RIC8B: variants seen among roughly 807,000 people sequenced by gnomAD.
RIC8B encodes RIC8 guanine nucleotide exchange factor B.
Under a neutral mutation model 57.5 loss-of-function variants are expected in RIC8B, and 16 were observed. The observed-to-expected ratio is 0.28, with a 90% confidence interval of 0.19 to 0.42. RIC8B has a LOEUF of 0.42. RIC8B is among the 10% of genes least tolerant of loss of function. The pLI is 1.00. For synonymous variants in RIC8B, 216 were observed against 250.8 expected (o/e 0.86, Z 1.31); for missense variants, 481 against 677.0 (o/e 0.71, Z 3.21).
chr12:106,816,068 A>C (rs1482449398), intron 3 of RIC8B, among the ~76,000 whole-genome samples: 1 of 152,210 alleles, frequency 6.6e-6, no homozygotes, highest in Admixed American at 6.5e-5. Context: ...AAATTAAGTG[A>C]AGTAGACATA....
intron 6 of RIC8B, among the ~76,000 whole-genome samples, chr12:106,846,937 A>C (rs957600428): frequency 6.6e-6 from 1 of 152,202 alleles, no homozygotes. Flanking sequence ...GATGCACTGT[A>C]GACTGTTATG....
intron 9 of RIC8B, among the ~76,000 whole-genome samples, chr12:106,877,490 G>A (rs1254866661): frequency 1.3e-5 from 2 of 152,116 alleles, no homozygotes; most frequent in African/African-American, 4.8e-5. Context: ...TCATTCCACA[G>A]TTGAGCTCTT....
chr12:106,847,275 G>A (rs546687645), intron 6 of RIC8B, among the ~76,000 whole-genome samples: 2 of 152,220 alleles, frequency 1.3e-5, no homozygotes, highest in South Asian at 2.1e-4. Flanking sequence ...TTTGGGAGTG[G>A]TATATAACAA....
chr12:106,877,598 C>A lies in RIC8B; in HGVS notation c.1571+6656C>A, dbSNP rs565662151. ...GGGAACAAGTAAAATTTCTATGATT[C>A]TATGTTAATACAAGGTTTTTAAATT... On this transcript the variant is annotated intron_variant, in intron 9 of 9. Transcript: ENST00000392837. Among the ~76,000 whole-genome samples, 3 of 152,156 alleles carry A rather than the reference C, an allele frequency of 2.0e-5. No homozygotes were observed. In the South Asian group the frequency reaches 6.2e-4, roughly 32 times the overall value.
At chr12:106,849,287 G>GTTTATTTATTTA (rs60536359) in intron 6 of RIC8B, among the ~76,000 whole-genome samples, 2 of 143,910 alleles carry the variant, frequency 1.4e-5, no homozygotes, top group Admixed American at 6.9e-5. Context: ...TTTTTAAATA[G>GTTTATTTATTTA]TTTATTTATT....
intron 3 of RIC8B, among the ~76,000 whole-genome samples, chr12:106,819,723 A>G (rs1475417021): frequency 1.3e-5 from 2 of 149,034 alleles, no homozygotes; most frequent in African/African-American, 2.5e-5. Context: ...CCGCCTGGGT[A>G]ACAGCGTCTC....
chr12:106,794,754 A>G (rs1034607515), intron 2 of RIC8B, among the ~76,000 whole-genome samples: 6 of 152,208 alleles, frequency 3.9e-5, no homozygotes, highest in Non-Finnish European at 8.8e-5. Flanking sequence ...TAGCTGACTC[A>G]CCTTACAAGA....
rs1458131225 is a variant in RIC8B at position 106,886,031 on chromosome 12, A to C, written c.*16A>C. The C allele has an allele frequency of 1.7e-5, 25 of 1,506,728 alleles. No homozygotes were observed. The highest frequency in any genetic ancestry group is 1.9e-5 in the Non-Finnish European group (21 of 1,082,842). The allele number at this position is 1,506,728 out of a possible 1,614,324, so 93.3% of individuals were successfully genotyped here. ...CACAGACTAAAAGCATCACCTGCTC[A>C]ACTCTCAATATTGCTTTATCAGCAT... On this transcript the variant is annotated 3_prime_UTR_variant, in exon 10 of 10. Coordinates refer to ENST00000392837, the MANE Select transcript of RIC8B (RefSeq NM_001330145.2).
chr12:106,775,050 G>A (rs954573302), intron 1 of RIC8B: 2 of 552,238 alleles, frequency 3.6e-6, no homozygotes, highest in Admixed American at 6.2e-5. Context: ...CTGATTCCTG[G>A]CCCAGCAGCT....
At chr12:106,848,944 A>G (rs1329994904) in intron 6 of RIC8B, among the ~76,000 whole-genome samples, 1 of 152,180 alleles carries the variant, frequency 6.6e-6, no homozygotes, top group Non-Finnish European at 1.5e-5. Context: ...TACCTATAGA[A>G]TGATGGTTAC....
intron 6 of RIC8B, among the ~76,000 whole-genome samples, chr12:106,847,898 C>G (rs1949280268): frequency 6.6e-6 from 1 of 152,140 alleles, no homozygotes; most frequent in South Asian, 2.1e-4. Context: ...CTGTAATATG[C>G]TAGACACTGG....
chr12:106,797,900 C>T (rs528860381), intron 2 of RIC8B: 163 of 541,766 alleles, frequency 3.0e-4, no homozygotes, highest in Non-Finnish European at 4.8e-4. Flanking sequence ...TGTGCTACAC[C>T]GTACTGCCGC....
At chr12:106,823,048 C>G (rs1329410587) in intron 3 of RIC8B, 3 of 155,002 alleles carry the variant, frequency 1.9e-5, no homozygotes, top group African/African-American at 7.2e-5. Flanking sequence ...CTCATTTTGT[C>G]AAAATTTAGC....
chr12:106,785,416 T>A (rs942113158), intron 2 of RIC8B, among the ~76,000 whole-genome samples: 5 of 152,140 alleles, frequency 3.3e-5, no homozygotes, highest in Non-Finnish European at 5.9e-5. Context: ...TCTTCAATAT[T>A]CTCATAATAC....
intron 9 of RIC8B, among the ~76,000 whole-genome samples, chr12:106,875,807 T>C (rs1950633985): frequency 6.6e-6 from 1 of 152,142 alleles, no homozygotes; most frequent in African/African-American, 2.4e-5. Flanking sequence ...TTGCCAGTCA[T>C]TGTGTACTAT....
intron 2 of RIC8B, among the ~76,000 whole-genome samples, chr12:106,809,579 T>C (rs2045235952): frequency 6.6e-6 from 1 of 151,428 alleles, no homozygotes; most frequent in African/African-American, 2.4e-5. Context: ...AAGCATTTCT[T>C]AGATTGAGAA....
intron 4 of RIC8B, among the ~76,000 whole-genome samples, chr12:106,827,254 A>G (rs1308763274): frequency 1.3e-5 from 2 of 152,174 alleles, no homozygotes; most frequent in Admixed American, 1.3e-4. Context: ...TCATGATGCT[A>G]CTCATGATGC....
chr12:106,882,919 G>A (rs1289522658), intron 9 of RIC8B, among the ~76,000 whole-genome samples: 1 of 152,124 alleles, frequency 6.6e-6, no homozygotes, highest in Non-Finnish European at 1.5e-5. Context: ...GTTCCATAAT[G>A]AAATCCTATA....
chr12:106,857,979 C>T (rs1566146043), intron 7 of RIC8B, among the ~76,000 whole-genome samples: 1 of 152,174 alleles, frequency 6.6e-6, no homozygotes, highest in African/African-American at 2.4e-5. Flanking sequence ...CACTGCCTGT[C>T]ATAGAGTTAG....
Sources: allele counts gnomAD v4.1 joint callset (sites outside exome capture counted in the v4.1 genomes callset), GRCh38; gene constraint gnomAD v4.1.1; transcripts MANE v1.5; gene names NCBI Gene and HGNC (gene_info 2026-07-23, HGNC 2026-07-21).